Variants in FYB2 observed in about 807,000 individuals in gnomAD.
FYB2 encodes the protein FYN-binding protein 2.
FYB2 carries 103 observed loss-of-function variants against 94.1 expected under a neutral mutation model. The ratio of observed to expected loss-of-function variants is 1.09; its 90% CI spans 0.93 to 1.29. The LOEUF (loss-of-function observed/expected upper bound fraction) is 1.29. Among genes scored for constraint, FYB2 ranks in the 50% most tolerant of loss-of-function variants. The pLI, the probability that FYB2 is intolerant of heterozygous loss-of-function variation, is 0.00. For synonymous variants in FYB2, 293 were observed against 287.9 expected (o/e 1.02, Z -0.18); for missense variants, 896 against 841.5 (o/e 1.06, Z -0.80).
the FYB2 span, chr1:56,826,733 A>G: frequency 6.6e-6 from 1 of 152,220 alleles, no homozygotes; most frequent in Non-Finnish European, 1.5e-5. Flanking sequence ...ATTCCTATCC[A>G]TATGGTAGCC....
chr1:56,821,136 C>A (rs545189361), upstream of FYB2, among the ~76,000 whole-genome samples: 2 of 152,336 alleles, frequency 1.3e-5, no homozygotes, highest in East Asian at 3.9e-4. Context: ...GGAGGAAGCT[C>A]TCGGGAGAAC....
At chr1:56,729,318 T>A (rs763219967) in intron 15 of FYB2, among the ~76,000 whole-genome samples, 5 of 151,816 alleles carry the variant, frequency 3.3e-5, no homozygotes, top group Non-Finnish European at 7.4e-5. Context: ...GCATTGGGGA[T>A]GGGAAAAGTG....
rs1003575448 is a variant in FYB2 at position 56,774,113 on chromosome 1, A to AT, written c.954-6176dup. 3.9e-5 allele frequency among the ~76,000 whole-genome samples: 6 copies of AT among 152,006 alleles called. No individual in the cohort carries two copies. The South Asian group carries it at 8.3e-4, about 21-fold the overall frequency. On this transcript the variant is annotated intron_variant, in intron 4 of 19. Transcript: ENST00000343433. ...AAAAATATATGATGAATTTGGAGTG[A>AT]TTTTTTTTCATAAGCTACTAAAACT...
At chr1:56,801,280 T>C (rs1273414224) in intron 1 of FYB2, among the ~76,000 whole-genome samples, 6 of 152,202 alleles carry the variant, frequency 3.9e-5, no homozygotes, top group Admixed American at 6.5e-5. Flanking sequence ...AAGTGTTTTC[T>C]TAGCTCATCA....
chr1:56,793,832 T>A lies in FYB2; in HGVS notation c.10-1029A>T, dbSNP rs1041168973. Among the ~76,000 whole-genome samples the A allele has an allele frequency of 2.0e-5, 3 of 151,958 alleles. No individual in the cohort carries two copies. In the South Asian group the frequency reaches 6.3e-4, roughly 32 times the overall value. On this transcript the variant is annotated intron_variant, in intron 1 of 19. Transcript: ENST00000343433. ...CTTGGTACTTCCATAGCTTTTTATATCTTGGCTGTTGAACTTAATGCTATG... is the reference window on the plus strand; with the variant it reads ...CTTGGTACTTCCATAGCTTTTTATAACTTGGCTGTTGAACTTAATGCTATG...
chr1:56,745,180 C>A (rs1016915986), intron 9 of FYB2, among the ~76,000 whole-genome samples: 10 of 151,970 alleles, frequency 6.6e-5, no homozygotes, highest in Non-Finnish European at 4.4e-5. Context: ...TCTTAGTCTG[C>A]AGCATTTATT....
intron 4 of FYB2, among the ~76,000 whole-genome samples, chr1:56,781,053 A>G (rs139607647): frequency 2.2e-4 from 33 of 152,340 alleles, no homozygotes; most frequent in African/African-American, 7.9e-4. Context: ...TTCGTCAATC[A>G]GGTCAGGTCT....
At chr1:56,751,522 T>C (rs1316733786) in intron 8 of FYB2, among the ~76,000 whole-genome samples, 1 of 152,056 alleles carries the variant, frequency 6.6e-6, no homozygotes, top group Non-Finnish European at 1.5e-5. Context: ...AAAAGTATCA[T>C]CAGTTCTCTT....
Position 56,819,396 on chromosome 1 carries a change from A to G in FYB2, c.-106T>C, listed in dbSNP as rs541430357. ...TGTCTCTGCTAGCCAGGGAGCAATC[A>G]CTTCCCACAGGACACACCTGAGCCC... is the stretch of plus-strand genomic sequence containing the variant. On this transcript the variant is annotated 5_prime_UTR_variant, in exon 1 of 20. Coordinates refer to ENST00000343433, the MANE Select transcript of FYB2 (RefSeq NM_001004303.5). 2 of 1,491,070 alleles carry G rather than the reference A, an allele frequency of 1.3e-6. No homozygotes were observed. Among genetic ancestry groups the G allele is most frequent in the African/African-American group, 2.8e-5 (2 of 72,130 alleles). 92.4% of individuals were successfully genotyped at this position (1,491,070 alleles called of 1,614,324 possible).
upstream of FYB2, chr1:56,819,764 G>C: frequency 5.6e-6 from 1 of 178,072 alleles, no homozygotes. Context: ...CCCTGCAGAC[G>C]GCTACTTAAT....
upstream of FYB2, among the ~76,000 whole-genome samples, chr1:56,820,092 G>A (rs944455690): frequency 1.3e-5 from 2 of 152,044 alleles, no homozygotes; most frequent in Admixed American, 6.5e-5. Context: ...TTAGCCAGGT[G>A]TGGTAGTGGG....
intron 3 of FYB2, among the ~76,000 whole-genome samples, chr1:56,788,415 G>A (rs1415148339): frequency 6.6e-6 from 1 of 152,198 alleles, no homozygotes; most frequent in Non-Finnish European, 1.5e-5. Flanking sequence ...GGAGTGGTGA[G>A]GGATGAGAGG....
chr1:56,762,386 T>C (rs897942123), intron 5 of FYB2, among the ~76,000 whole-genome samples: 2 of 152,210 alleles, frequency 1.3e-5, no homozygotes, highest in Non-Finnish European at 2.9e-5. Context: ...TCTCCACTTA[T>C]TTAGATTTTC....
chr1:56,784,569 T>C (rs964600791), intron 4 of FYB2, among the ~76,000 whole-genome samples: 16 of 152,204 alleles, frequency 1.1e-4, no homozygotes, highest in African/African-American at 3.9e-4. Flanking sequence ...TCTCAACTTT[T>C]TACCATGGCA....
At chr1:56,754,481 T>C (rs1645278170) in intron 7 of FYB2, among the ~76,000 whole-genome samples, 1 of 152,130 alleles carries the variant, frequency 6.6e-6, no homozygotes, top group African/African-American at 2.4e-5. Flanking sequence ...TTCTTCCATA[T>C]TGTCTTACAA....
In FYB2 at chr1:56,768,046, G is replaced by A; in HGVS notation, c.954-108C>T. The A allele has an allele frequency of 6.3e-6, 5 of 787,756 alleles. No homozygotes were observed. In the South Asian group the frequency reaches 9.2e-5, roughly 15 times the overall value. 48.8% of individuals were successfully genotyped at this position (787,756 alleles called of 1,614,324 possible). A position where few individuals can be genotyped will look rare whatever the true frequency, so the allele number is the denominator to read the frequency against. On this transcript the variant is annotated intron_variant, in intron 4 of 19. Coordinates refer to ENST00000343433, the MANE Select transcript of FYB2 (RefSeq NM_001004303.5). The stretch of plus-strand genomic sequence containing the variant: ...AATAATATGTGTGTCTGGCCAATAT[G>A]GTGACCTAAGCATATATGGGAGGCA...
chr1:56,815,453 A>G (rs1202573457), intron 1 of FYB2, among the ~76,000 whole-genome samples: 1 of 152,190 alleles, frequency 6.6e-6, no homozygotes, highest in African/African-American at 2.4e-5. Context: ...AAAGCTGAAC[A>G]ACTAGATGGC....
At chr1:56,777,694 G>A (rs548293034) in intron 4 of FYB2, among the ~76,000 whole-genome samples, 9 of 152,120 alleles carry the variant, frequency 5.9e-5, no homozygotes, top group African/African-American at 2.2e-4. Flanking sequence ...CTCTAATCAT[G>A]TCAAATTACC....
At chr1:56,814,245 A>G (rs1006994531) in intron 1 of FYB2, among the ~76,000 whole-genome samples, 27 of 152,246 alleles carry the variant, frequency 1.8e-4, no homozygotes. Flanking sequence ...GGCAGGCACC[A>G]GAGTGCCTCG....
Sources: gnomAD v4.1 joint callset for allele counts (sites outside exome capture counted in the v4.1 genomes callset) on GRCh38, gnomAD v4.1.1 for gene constraint, MANE v1.5 for transcripts, NCBI Gene and HGNC (gene_info 2026-07-23, HGNC 2026-07-21) for gene names.